ANKRD36C: variants seen among roughly 807,000 people sequenced by gnomAD.
ANKRD36C encodes the protein ankyrin repeat domain-containing protein 36C.
In ANKRD36C, 61 loss-of-function variants were observed where a neutral mutation model predicts 276.4. The observed-to-expected ratio is 0.22, with a 90% CI of 0.18 to 0.27. ANKRD36C has a LOEUF of 0.27. ANKRD36C is among the 10% of genes least tolerant of loss of function. The pLI is 1.00. For synonymous variants in ANKRD36C, 483 were observed against 680.1 expected, an observed-to-expected ratio of 0.71 and a Z score of 4.51; for missense variants, 1,447 against 2,032.3, an observed-to-expected ratio of 0.71 and a Z score of 5.54.
chr2:95,885,929 A>C, intron 52 of ANKRD36C, 119 bp downstream of exon 72: 1 of 1,536,196 alleles, frequency 6.5e-7, no homozygotes. Flanking sequence ...CAAATGAAGA[A>C]TCTCAAGCAT....
chr2:95,865,091 A>C (rs1302274000), intron 60 of ANKRD36C, among the ~76,000 whole-genome samples: 1 of 152,084 alleles, frequency 6.6e-6, no homozygotes, highest in Non-Finnish European at 1.5e-5. Context: ...AAATACATCT[A>C]CATTAAGTAA....
At chr2:95,947,476 A>G (rs1678084160) in intron 17 of ANKRD36C, among the ~76,000 whole-genome samples, 1 of 152,150 alleles carries the variant, frequency 6.6e-6, no homozygotes. Context: ...GATACATACA[A>G]ATAGATTTTC....
chr2:95,966,211 C>T (rs183288539), intron 6 of ANKRD36C, among the ~76,000 whole-genome samples: 3,462 of 152,220 alleles, frequency 0.023, 97 homozygotes, highest in African/African-American at 0.079. Flanking sequence ...GTTGCCATTG[C>T]TTTTGGTGTT....
chr2:95,935,044 G>A (rs1677678676), intron 24 of ANKRD36C, among the ~76,000 whole-genome samples: 1 of 152,284 alleles, frequency 6.6e-6, no homozygotes, highest in Non-Finnish European at 1.5e-5. Context: ...TTCTCAGCGT[G>A]ACAACACCGA....
At chr2:95,891,599 A>C (rs899264918) in intron 46 of ANKRD36C, 66 bp downstream of exon 66, 47 of 1,500,790 alleles carry the variant, frequency 3.1e-5, no homozygotes, top group African/African-American at 4.2e-5. Flanking sequence ...CCGCTGATTT[A>C]TTCAGGGAAG....
chr2:95,889,716 G>A (rs989109394), intron 48 of ANKRD36C, 83 bp downstream of exon 68: 31 of 1,487,846 alleles, frequency 2.1e-5, no homozygotes, highest in African/African-American at 1.1e-4. Context: ...AAGATTTGAC[G>A]AACCCCCCGC....
intron 42 of ANKRD36C, among the ~76,000 whole-genome samples, chr2:95,903,371 A>T (rs1441537826): frequency 6.6e-5 from 10 of 150,584 alleles, no homozygotes; most frequent in African/African-American, 9.7e-5. Flanking sequence ...AGTGATGAGG[A>T]CAAAGTGATA....
At chr2:95,978,632 G>A (rs1208105381) in intron 5 of ANKRD36C, among the ~76,000 whole-genome samples, 1 of 152,036 alleles carries the variant, frequency 6.6e-6, no homozygotes, top group Non-Finnish European at 1.5e-5. Flanking sequence ...GCTTGTTCTT[G>A]AACTTTATCG....
chr2:95,858,760 T>G (rs962186053), intron 61 of ANKRD36C, among the ~76,000 whole-genome samples: 34 of 151,098 alleles, frequency 2.3e-4, no homozygotes, highest in East Asian at 1.9e-4. Flanking sequence ...AGGTTAAGAA[T>G]GTAATATGTT....
Position 95,891,745 on chromosome 2 carries a change from G to A in ANKRD36C, c.2785-8C>T. 5 of 1,578,608 alleles carry A rather than the reference G, an allele frequency of 3.2e-6. No homozygotes were observed. The highest frequency in any genetic ancestry group is 3.4e-6 in the Non-Finnish European group (4 of 1,160,590). ...TTTCTCGTCACTTGTAGCCTGAATG[G>A]AATTTGAAATGAAATAATAAATTAA... is the stretch of plus-strand genomic sequence containing the variant. On this transcript the variant is annotated splice_region_variant and splice_polypyrimidine_tract_variant and intron_variant, in intron 45 of 66. Transcript: ENST00000456556.
Position 95,855,950 on chromosome 2 carries a change from A to G in ANKRD36C, c.4311T>C (p.Ala1437=), listed in dbSNP as rs779066890. ...GCGTTGTGTTTTCATCCGTCAGAGC[A>G]GCAAGCTGTCCACTATAACAGGCTA... Residue 1437 remains alanine (A), a synonymous_variant, in exon 63 of 67, where the codon GCT becomes GCC. Transcript: ENST00000456556. 5.6e-6 allele frequency: 9 copies of G among 1,613,336 alleles called. No homozygotes were observed. In the African/African-American group the frequency reaches 9.3e-5, roughly 17 times the overall value.
intron 60 of ANKRD36C, among the ~76,000 whole-genome samples, chr2:95,864,022 A>C (rs1675636667): frequency 6.6e-6 from 1 of 151,932 alleles, no homozygotes; most frequent in African/African-American, 2.4e-5. Context: ...AGCAACTACC[A>C]CTATGGTGAA....
intron 16 of ANKRD36C, among the ~76,000 whole-genome samples, chr2:95,949,366 T>A (rs1368722585): frequency 2.0e-5 from 3 of 152,146 alleles, no homozygotes; most frequent in Non-Finnish European, 4.4e-5. Flanking sequence ...GAGGGACTAG[T>A]GGAAAAGTCT....
chr2:95,991,661 C>A (rs1679146064), exon 1 of ANKRD36C: 4 of 1,614,028 alleles, frequency 2.5e-6, no homozygotes, highest in Admixed American at 3.3e-5. Context: ...CATCCGAGCA[C>A]AAGCGGTCCC....
intron 36 of ANKRD36C, among the ~76,000 whole-genome samples, chr2:95,916,511 G>A (rs530628666): frequency 1.3e-5 from 2 of 151,764 alleles, no homozygotes; most frequent in East Asian, 2.0e-4. Flanking sequence ...GAGAATCAAC[G>A]TCAAAACAGG....
At chr2:95,928,143 T>C (rs1217767200) in intron 26 of ANKRD36C, among the ~76,000 whole-genome samples, 2 of 151,666 alleles carry the variant, frequency 1.3e-5, no homozygotes, top group Admixed American at 6.6e-5. Flanking sequence ...AAGCATTAGA[T>C]ATTAATAAGT....
chr2:95,887,400 C>T (rs1457504176), intron 50 of ANKRD36C, among the ~76,000 whole-genome samples: 2 of 151,088 alleles, frequency 1.3e-5, no homozygotes, highest in African/African-American at 2.4e-5. Context: ...CTCAGGTTTC[C>T]TCAGCAGAAA....
chr2:95,980,320 T>G (rs1678891427), intron 5 of ANKRD36C, among the ~76,000 whole-genome samples: 1 of 151,998 alleles, frequency 6.6e-6, no homozygotes, highest in Non-Finnish European at 1.5e-5. Flanking sequence ...AAATAACTAA[T>G]TAGAAAAATC....
At chr2:95,958,699 A>C (rs367661808) in intron 11 of ANKRD36C, 36 bp from the exon 12 acceptor site, 3 of 1,542,160 alleles carry the variant, frequency 1.9e-6, no homozygotes, top group African/African-American at 2.7e-5. Context: ...TCAATACCTA[A>C]AGTATATTTC....
Sources: allele counts gnomAD v4.1 joint callset (sites outside exome capture counted in the v4.1 genomes callset), GRCh38; gene constraint gnomAD v4.1.1; transcripts MANE v1.5; gene names NCBI Gene and HGNC (gene_info 2026-07-23, HGNC 2026-07-21).